ACTR3C: variants seen among roughly 807,000 people sequenced by gnomAD.
The protein encoded by ACTR3C is actin related protein 3C, also known as actin-related protein 3C.
ACTR3C carries 18 observed loss-of-function variants against 26.3 expected under a neutral mutation model. The ratio of observed to expected loss-of-function variants is 0.68; its 90% CI spans 0.47 to 1.01. The LOEUF is 1.01. Ranked by LOEUF, ACTR3C falls within the 50% of genes least tolerant of loss-of-function variation. ACTR3C has a pLI of 0.00. For missense variants in ACTR3C, 184 were observed against 250.7 expected, an observed-to-expected ratio of 0.73 and a Z score of 1.80; for synonymous variants, 55 against 94.5, an observed-to-expected ratio of 0.58 and a Z score of 2.42.
At chr7:150,059,665 CTT>C in the ACTR3C span, among the ~76,000 whole-genome samples, 1 of 152,156 alleles carries the variant, frequency 6.6e-6, no homozygotes, top group South Asian at 2.1e-4. Context: ...AAATAACACT[CTT>C]ATGTTTATCT....
chr7:149,931,388 C>A, the ACTR3C span, among the ~76,000 whole-genome samples: 3 of 152,208 alleles, frequency 2.0e-5, no homozygotes, highest in Non-Finnish European at 4.4e-5. Flanking sequence ...CCGCAATGCT[C>A]CCTTGCAACT....
At chr7:150,198,114 G>A in the ACTR3C span, among the ~76,000 whole-genome samples, 1 of 151,516 alleles carries the variant, frequency 6.6e-6, no homozygotes, top group South Asian at 2.1e-4. Context: ...CCGAGGTGCC[G>A]GGATTGCAGA....
At chr7:149,907,993 T>C in the ACTR3C span, among the ~76,000 whole-genome samples, 1 of 151,680 alleles carries the variant, frequency 6.6e-6, no homozygotes, top group African/African-American at 2.4e-5. Flanking sequence ...TAACCCTCAA[T>C]GTGACTGTAT....
the ACTR3C span, among the ~76,000 whole-genome samples, chr7:150,199,725 C>CAAAAAAAAAAAAAAAAAAAAAAAAATAA: frequency 4.6e-5 from 4 of 86,084 alleles, no homozygotes; most frequent in Non-Finnish European, 8.3e-5. Flanking sequence ...ATATTTTTAT[C>CAAAAAAAAAAAAAAAAAAAAAAAAATAA]AAAAAAAAAA....
downstream of ACTR3C, among the ~76,000 whole-genome samples, chr7:150,241,232 C>A (rs1467235797): frequency 1.3e-5 from 2 of 152,040 alleles, no homozygotes; most frequent in African/African-American, 4.8e-5. Context: ...AGGACTTATA[C>A]TATCTGATTC....
chr7:149,901,910 CAAAAAAAAAAAAAAAAAA>C, the ACTR3C span, among the ~76,000 whole-genome samples: 1 of 56,742 alleles, frequency 1.8e-5, no homozygotes, highest in Non-Finnish European at 2.9e-5. Flanking sequence ...GACTCTGTCT[CAAAAAAAAAAAAAAAAAA>C]AAAAAAAAAA....
chr7:150,122,258 A>AAAAAC, the ACTR3C span, among the ~76,000 whole-genome samples: 154 of 151,090 alleles, frequency 1.0e-3, no homozygotes, highest in Middle Eastern at 6.8e-3. Flanking sequence ...TCTGCACAGC[A>AAAAAC]AAAACAAAAC....
the ACTR3C span, chr7:150,045,055 A>G: frequency 6.6e-6 from 1 of 152,236 alleles, no homozygotes; most frequent in Non-Finnish European, 1.5e-5. Flanking sequence ...GGTTGTCAGC[A>G]GGTGCAAGAC....
chr7:150,034,574 C>T, the ACTR3C span, among the ~76,000 whole-genome samples: 6 of 151,804 alleles, frequency 4.0e-5, no homozygotes, highest in South Asian at 1.3e-3. Context: ...CTCTCACCTG[C>T]CTTCTGCCCT....
At chr7:149,926,197 T>G in the ACTR3C span, among the ~76,000 whole-genome samples, 14 of 152,120 alleles carry the variant, frequency 9.2e-5, no homozygotes, top group African/African-American at 3.1e-4. Context: ...AAAACAAACT[T>G]TGCATGGTAA....
the ACTR3C span, among the ~76,000 whole-genome samples, chr7:150,234,473 G>A: frequency 6.6e-6 from 1 of 152,088 alleles, no homozygotes; most frequent in Admixed American, 6.5e-5. Flanking sequence ...TCTTTACTGT[G>A]AGAGCTTGGT....
At chr7:149,961,907 T>C in the ACTR3C span, among the ~76,000 whole-genome samples, 1 of 151,058 alleles carries the variant, frequency 6.6e-6, no homozygotes, top group African/African-American at 2.4e-5. Context: ...TATGGGCTCA[T>C]AGGAAGTATA....
chr7:150,259,291 A>AAGAAAAAGAAAG (rs879890269), intron 6 of ACTR3C, among the ~76,000 whole-genome samples: 2 of 149,502 alleles, frequency 1.3e-5, no homozygotes, highest in African/African-American at 5.1e-5. Flanking sequence ...GAAAGAAAGA[A>AAGAAAAAGAAAG]AAAGAAAGAA....
the ACTR3C span, among the ~76,000 whole-genome samples, chr7:149,999,634 C>T: frequency 6.6e-6 from 1 of 151,630 alleles, no homozygotes; most frequent in East Asian, 2.0e-4. Context: ...ACCCAGGCTA[C>T]AGCAAAGGGA....
chr7:150,199,898 C>T, the ACTR3C span, among the ~76,000 whole-genome samples: 3 of 151,812 alleles, frequency 2.0e-5, no homozygotes, highest in Non-Finnish European at 4.4e-5. Flanking sequence ...AAAAAATAAA[C>T]AGGAACAACA....
At chr7:150,296,994 G>A (rs1182207355) in intron 1 of ACTR3C, among the ~76,000 whole-genome samples, 2 of 151,736 alleles carry the variant, frequency 1.3e-5, no homozygotes, top group African/African-American at 4.9e-5. Context: ...CTCCAGAACT[G>A]TGAGAAAACA....
At chr7:150,080,494 C>G in the ACTR3C span, among the ~76,000 whole-genome samples, 1 of 151,016 alleles carries the variant, frequency 6.6e-6, no homozygotes, top group Admixed American at 6.6e-5. Flanking sequence ...ACATCTTAGA[C>G]AGCAAAGCTG....
the ACTR3C span, among the ~76,000 whole-genome samples, chr7:149,975,397 TAA>T: frequency 6.6e-6 from 1 of 151,810 alleles, no homozygotes; most frequent in Non-Finnish European, 1.5e-5. Flanking sequence ...GGGAATGCAA[TAA>T]AAAGAGTAAT....
intron 1 of ACTR3C, among the ~76,000 whole-genome samples, chr7:150,308,065 G>A (rs562936710): frequency 1.2e-4 from 19 of 152,222 alleles, no homozygotes; most frequent in Middle Eastern, 3.4e-3. Flanking sequence ...TAATCACTGC[G>A]GGGACGCCTG....
Sources: allele counts gnomAD v4.1 joint callset (sites outside exome capture counted in the v4.1 genomes callset), GRCh38; gene constraint gnomAD v4.1.1; transcripts MANE v1.5; gene names NCBI Gene and HGNC (gene_info 2026-07-23, HGNC 2026-07-21).